GALNT13: variants seen among roughly 807,000 people sequenced by gnomAD.
The protein encoded by GALNT13 is polypeptide N-acetylgalactosaminyltransferase 13.
In GALNT13, 28 loss-of-function variants were observed where a neutral mutation model predicts 64.2. That is an observed-to-expected ratio of 0.44 (90% CI 0.32 to 0.60). The LOEUF is 0.60. Ranked by LOEUF, GALNT13 falls within the 20% of genes least tolerant of loss-of-function variation. The pLI, the probability that GALNT13 is intolerant of heterozygous loss-of-function variation, is 0.05. For synonymous variants in GALNT13, 214 were observed against 224.6 expected, an observed-to-expected ratio of 0.95 and a Z score of 0.42; for missense variants, 577 against 669.8, an observed-to-expected ratio of 0.86 and a Z score of 1.53.
At chr2:153,963,091 G>C (rs72993622) in intron 3 of GALNT13, among the ~76,000 whole-genome samples, 125 of 152,288 alleles carry the variant, frequency 8.2e-4, no homozygotes, top group African/African-American at 3.0e-3. Context: ...GTGCAAGCAG[G>C]ATTGTTTTCT....
At chr2:153,768,666 C>T in the GALNT13 span, among the ~76,000 whole-genome samples, 40 of 152,116 alleles carry the variant, frequency 2.6e-4, no homozygotes, top group Non-Finnish European at 4.6e-4. Context: ...AGATTGAGAC[C>T]AGCCTGGCTA....
At chr2:153,813,904 T>C in the GALNT13 span, among the ~76,000 whole-genome samples, 563 of 152,318 alleles carry the variant, frequency 3.7e-3, no homozygotes, top group Non-Finnish European at 6.1e-3. Context: ...CTCAGCCAAA[T>C]AGGGCCCAAA....
the GALNT13 span, among the ~76,000 whole-genome samples, chr2:153,327,877 C>G: frequency 6.6e-6 from 1 of 152,098 alleles, no homozygotes; most frequent in Admixed American, 6.5e-5. Context: ...AAGAGACATT[C>G]TGATTTTTGA....
intron 9 of GALNT13, among the ~76,000 whole-genome samples, chr2:154,338,793 G>C (rs1483979304): frequency 1.1e-4 from 16 of 152,042 alleles, no homozygotes; most frequent in Admixed American, 9.2e-4. Flanking sequence ...CTATAGAGAA[G>C]GGTAGTTAAG....
the GALNT13 span, among the ~76,000 whole-genome samples, chr2:153,777,482 T>A: frequency 6.6e-6 from 1 of 152,172 alleles, no homozygotes; most frequent in East Asian, 1.9e-4. Context: ...GGTGATCAGG[T>A]CATGAGGCCT....
chr2:154,006,761 A>G (rs1050274679), intron 3 of GALNT13, among the ~76,000 whole-genome samples: 3 of 152,176 alleles, frequency 2.0e-5, no homozygotes, highest in African/African-American at 7.2e-5. Context: ...AAGTTTTAGC[A>G]GTCTTCAAAT....
At chr2:153,478,796 TC>T in the GALNT13 span, 1 of 462,666 alleles carries the variant, frequency 2.2e-6, no homozygotes. Context: ...TGGTGCTCGT[TC>T]CCGGCGCTCG....
intron 9 of GALNT13, among the ~76,000 whole-genome samples, chr2:154,359,339 AAG>A (rs1451884798): frequency 6.6e-6 from 1 of 152,088 alleles, no homozygotes; most frequent in Non-Finnish European, 1.5e-5. Context: ...TTCAAATGAC[AAG>A]AGAAATCTAA....
At chr2:153,240,952 G>A in the GALNT13 span, among the ~76,000 whole-genome samples, 1 of 152,062 alleles carries the variant, frequency 6.6e-6, no homozygotes, top group African/African-American at 2.4e-5. Flanking sequence ...GAAGAGTCTT[G>A]ATTCAGGAGA....
the GALNT13 span, among the ~76,000 whole-genome samples, chr2:153,448,466 T>C: frequency 6.6e-6 from 1 of 152,194 alleles, no homozygotes; most frequent in African/African-American, 2.4e-5. Flanking sequence ...TCTTCTGATA[T>C]AGGGGGAGAT....
At chr2:154,205,826 G>A (rs1687413774) in intron 4 of GALNT13, among the ~76,000 whole-genome samples, 1 of 151,936 alleles carries the variant, frequency 6.6e-6, no homozygotes, top group South Asian at 2.1e-4. Context: ...GATTCCAAAA[G>A]ATAATTTATT....
chr2:153,319,966 A>G, the GALNT13 span, among the ~76,000 whole-genome samples: 1 of 152,198 alleles, frequency 6.6e-6, no homozygotes, highest in African/African-American at 2.4e-5. Context: ...GGGAGCTGAA[A>G]AAAAATGTGT....
intron 9 of GALNT13, among the ~76,000 whole-genome samples, chr2:154,359,246 T>C (rs1696925623): frequency 6.6e-6 from 1 of 151,998 alleles, no homozygotes; most frequent in South Asian, 2.1e-4. Context: ...GTCTTGAAAA[T>C]AGAGCATCAG....
At chr2:154,108,887 G>A (rs1702773372) in intron 3 of GALNT13, among the ~76,000 whole-genome samples, 1 of 151,972 alleles carries the variant, frequency 6.6e-6, no homozygotes, top group African/African-American at 2.4e-5. Flanking sequence ...TTATTGAAAG[G>A]CAATAGATCA....
chr2:154,450,284 A>C, intron 12 of GALNT13, 127 bp from the exon 13 acceptor site: 5 of 721,596 alleles, frequency 6.9e-6, no homozygotes, highest in Non-Finnish European at 1.1e-5. Flanking sequence ...AGTTCCTTTT[A>C]CAAAGCTATC....
At chr2:153,938,549 C>T (rs1409722154) in intron 2 of GALNT13, among the ~76,000 whole-genome samples, 2 of 152,150 alleles carry the variant, frequency 1.3e-5, no homozygotes, top group Non-Finnish European at 2.9e-5. Flanking sequence ...GTGAATTTAA[C>T]TAGCCAGTGT....
intron 3 of GALNT13, among the ~76,000 whole-genome samples, chr2:154,049,531 A>ATG (rs1699472563): frequency 6.8e-6 from 1 of 145,998 alleles, no homozygotes; most frequent in Non-Finnish European, 1.5e-5. Context: ...ATATATATAT[A>ATG]TGTATCACTA....
the GALNT13 span, among the ~76,000 whole-genome samples, chr2:153,083,252 G>T: frequency 0.096 from 14,550 of 152,170 alleles, 781 homozygotes; most frequent in Non-Finnish European, 0.12. Context: ...TGAAAAGGTA[G>T]TTTTACTTTT....
intron 7 of GALNT13, among the ~76,000 whole-genome samples, chr2:154,247,934 GTA>G (rs1264842189): frequency 9.2e-5 from 14 of 152,084 alleles, no homozygotes; most frequent in African/African-American, 3.4e-4. Context: ...CAGCATAGCT[GTA>G]ATGTGAACGT....
Sources: gnomAD v4.1 joint callset for allele counts (sites outside exome capture counted in the v4.1 genomes callset) on GRCh38, gnomAD v4.1.1 for gene constraint, MANE v1.5 for transcripts, NCBI Gene and HGNC (gene_info 2026-07-23, HGNC 2026-07-21) for gene names.